Variants in ID2 observed in about 807,000 individuals in gnomAD.
The protein encoded by ID2 is DNA-binding protein inhibitor ID-2.
In ID2, 2 loss-of-function variants were observed where a neutral mutation model predicts 8.3. The ratio of observed to expected loss-of-function variants is 0.24; its 90% CI spans 0.10 to 0.76. The LOEUF (loss-of-function observed/expected upper bound fraction) is 0.76. Ranked by LOEUF, ID2 falls within the 30% of genes least tolerant of loss-of-function variation. The probability of loss-of-function intolerance (pLI) is 0.73; values close to 1 mark genes in which losing one functional copy is unlikely to be tolerated. For synonymous variants in ID2, 112 were observed against 72.3 expected (o/e 1.55, Z -2.79); for missense variants, 155 against 167.0 (o/e 0.93, Z 0.40).
intron 1 of ID2, 27 bp from the exon 2 acceptor site, chr2:8,682,816 C>A: frequency 1.3e-6 from 2 of 1,546,536 alleles, no homozygotes; most frequent in South Asian, 1.1e-5. Context: ...GTCTTAACCT[C>A]GTACTCTTTA....
At chr2:8,683,389 G>T (rs1187166101) in intron 2 of ID2, among the ~76,000 whole-genome samples, 1 of 152,156 alleles carries the variant, frequency 6.6e-6, no homozygotes, top group Admixed American at 6.5e-5. Context: ...TTAACTAAAG[G>T]GCTGTTTTCA....
In ID2 at chr2:8,682,358, C is replaced by T. The variant is rs375848588; in HGVS notation, c.193C>T (p.Leu65=). ...QNKKVSKMEI[L]QHVIDYILDL... Reference sequence around the variant, plus strand: ...CAAGAAGGTGAGCAAGATGGAAATCCTGCAGCACGTCATCGACTACATCTT... The same window carrying T: ...CAAGAAGGTGAGCAAGATGGAAATCTTGCAGCACGTCATCGACTACATCTT... Residue 65 remains leucine (L), a synonymous_variant, in exon 1 of 3, where the codon CTG becomes TTG. Coordinates refer to ENST00000396290, the MANE Select transcript of ID2 (RefSeq NM_002166.5). 44 of 1,613,926 alleles carry T rather than the reference C, an allele frequency of 2.7e-5. No individual in the cohort carries two copies. The highest frequency in any genetic ancestry group is 3.3e-5 in the Admixed American group (2 of 60,012).
At position 8,682,881 on chromosome 2, in the gene ID2, CA is replaced by C. The variant is rs779022042; in HGVS notation, c.390del (p.Ala131HisfsTer6). The C allele has an allele frequency of 1.9e-6, 3 of 1,613,836 alleles. No homozygotes were observed. The highest frequency in any genetic ancestry group is 2.5e-6 in the Non-Finnish European group (3 of 1,179,820). ...CTTCTGAGTTAATGTCAAATGACAG[CA>C]AAGCACTGTGTGGCTGAATAAGCGG... Reference protein sequence around the residue: ...FPSELMSNDSKALCG With the variant: ...FPSELMSNDSXALCG On this transcript the variant is annotated frameshift_variant, in exon 2 of 3. Coordinates refer to ENST00000396290, the MANE Select transcript of ID2 (RefSeq NM_002166.5). LOFTEE classifies it high-confidence loss of function.
rs1373450611 is a variant in ID2 at position 8,684,167 on chromosome 2, C to T, written c.*490C>T. 1.3e-5 allele frequency: 2 copies of T among 152,140 alleles called. No individual in the cohort carries two copies. Among genetic ancestry groups the T allele is most frequent in the African/African-American group, 2.4e-5 (1 of 41,380 alleles). The allele number at this position is 152,140 out of a possible 1,614,324, so 9.4% of individuals were successfully genotyped here. A position where few individuals can be genotyped will look rare whatever the true frequency, so the allele number is the denominator to read the frequency against. On this transcript the variant is annotated 3_prime_UTR_variant, in exon 3 of 3. Transcript: ENST00000396290. Reference sequence around the variant, plus strand: ...ATCTATTTGAGTGAAACCTTGTGAACTCTTTAATTAGAGTTTTCTTGTATA... The same window carrying T: ...ATCTATTTGAGTGAAACCTTGTGAATTCTTTAATTAGAGTTTTCTTGTATA...
chr2:8,683,520 G>T (rs1323530680), intron 2 of ID2, among the ~76,000 whole-genome samples, 165 bp from the exon 3 acceptor site: 1 of 152,170 alleles, frequency 6.6e-6, no homozygotes, highest in African/African-American at 2.4e-5. Flanking sequence ...TTTAATTTGC[G>T]CTGTCGAGGC....
intron 2 of ID2, 34 bp downstream of exon 2, chr2:8,682,940 T>C: frequency 6.5e-7 from 1 of 1,540,954 alleles, no homozygotes; most frequent in South Asian, 1.1e-5. Context: ...GTGGGTAAAC[T>C]GCCCCTCGGT....
intron 1 of ID2, 30 bp from the exon 2 acceptor site, chr2:8,682,813 C>A: frequency 2.1e-6 from 3 of 1,429,048 alleles, no homozygotes; most frequent in South Asian, 1.1e-5. Context: ...ATTGTCTTAA[C>A]CTCGTACTCT....
At chr2:8,683,037 C>T (rs1330317236) in intron 2 of ID2, 131 bp downstream of exon 2, 1 of 751,002 alleles carries the variant, frequency 1.3e-6, no homozygotes, top group East Asian at 2.5e-5. Flanking sequence ...GCGGTGTTAC[C>T]CGTACTACAT....
rs1178509202 is a variant in ID2 at position 8,682,912 on chromosome 2, T to A, written c.*7+6T>A. ...ACTGTGTGGCTGAATAAGCGGTGAG[T>A]GTTTGCTTGTGCCACCCGTGGGTAA... On this transcript the variant is annotated splice_donor_region_variant and intron_variant, in intron 2 of 2. Coordinates refer to ENST00000396290, the MANE Select transcript of ID2 (RefSeq NM_002166.5). 6.2e-7 allele frequency: 1 copy of A among 1,612,118 alleles called. No individual in the cohort carries two copies. Among genetic ancestry groups the A allele is most frequent in the Non-Finnish European group, 8.5e-7 (1 of 1,178,306 alleles).
At chr2:8,683,548 C>T (rs1395586547) in intron 2 of ID2, 137 bp from the exon 3 acceptor site, 1 of 152,290 alleles carries the variant, frequency 6.6e-6, no homozygotes, top group African/African-American at 2.4e-5. Context: ...TGTGTTGCAT[C>T]TGGACGCCAG....
chr2:8,682,474 G>GACC lies in ID2; in HGVS notation c.313_315dup (p.Thr105dup). On this transcript the variant is annotated inframe_insertion, in exon 1 of 3. Transcript: ENST00000396290. ...AGAACCAGGCGTCCAGGACGCCGCT[G>GACC]ACCACCCTCAACACGGATATCAGCA... 1 of 1,613,394 alleles carries GACC rather than the reference G, an allele frequency of 6.2e-7. No homozygotes were observed. The highest frequency in any genetic ancestry group is 8.5e-7 in the Non-Finnish European group (1 of 1,179,994).
intron 2 of ID2, among the ~76,000 whole-genome samples, chr2:8,683,169 C>G (rs943676347): frequency 6.6e-6 from 1 of 152,202 alleles, no homozygotes; most frequent in Non-Finnish European, 1.5e-5. Context: ...TGTGTATTGG[C>G]TTTGTAGCAA....
rs987769768 is a variant in ID2 at position 8,682,212 on chromosome 2, C to G, written c.47C>G (p.Ser16Trp). 1 of 1,613,862 alleles carries G rather than the reference C, an allele frequency of 6.2e-7. No homozygotes were observed. The highest frequency in any genetic ancestry group is 1.7e-5 in the Admixed American group (1 of 60,008). Reference sequence around the variant, plus strand: ...AGGTCCGTTAGGAAAAACAGCCTGTCGGACCACAGCCTGGGCATCTCCCGG... The same window carrying G: ...AGGTCCGTTAGGAAAAACAGCCTGTGGGACCACAGCCTGGGCATCTCCCGG... The part of the protein sequence containing the change: ...PVRSVRKNSL[S>W]DHSLGISRSK... Residue 16 changes from serine (S) to tryptophan (W), a missense_variant, in exon 1 of 3, where the codon TCG becomes TGG. Ser to Trp is a radical substitution (Grantham distance 177). Coordinates refer to ENST00000396290, the MANE Select transcript of ID2 (RefSeq NM_002166.5).
rs1485006455 is a variant in ID2, at chr2:8,683,722, C to A, written c.*45C>A. 6.6e-6 allele frequency: 1 copy of A among 152,442 alleles called. No homozygotes were observed. The highest frequency in any genetic ancestry group is 2.4e-5 in the African/African-American group (1 of 41,390). The allele number at this position is 152,442 out of a possible 1,614,324, so 9.4% of individuals were successfully genotyped here. On this transcript the variant is annotated 3_prime_UTR_variant, in exon 3 of 3. Coordinates refer to ENST00000396290, the MANE Select transcript of ID2 (RefSeq NM_002166.5). ...TCTTTTATTCTTTGCACAACAACAACAACAACAAATTCACGGAATCTTTTA... is the reference window on the plus strand; with the variant it reads ...TCTTTTATTCTTTGCACAACAACAAAAACAACAAATTCACGGAATCTTTTA...
At position 8,682,062 on chromosome 2, in the gene ID2, A is replaced by G. The variant is rs947515715; in HGVS notation, c.-104A>G. On this transcript the variant is annotated 5_prime_UTR_variant, in exon 1 of 3. Transcript: ENST00000396290. ...CCCGCCGGGCTCGGGCTTCATTCTG[A>G]GCCGAGCCCGGTGCCAAGCGCAGCT... 1.1e-6 allele frequency: 1 copy of G among 878,448 alleles called. No homozygotes were observed. Among genetic ancestry groups the G allele is most frequent in the Non-Finnish European group, 1.8e-6 (1 of 567,182 alleles). 54.4% of individuals were successfully genotyped at this position (878,448 alleles called of 1,614,324 possible).
rs763950440 is a variant in ID2 at position 8,682,152 on chromosome 2, C to G, written c.-14C>G. On this transcript the variant is annotated 5_prime_UTR_variant, in exon 1 of 3. Transcript: ENST00000396290. ...GCCAGCTCCCTCCCGGTCTCGCCTTCCCTCGCGGTCAGCATGAAAGCCTTC... is the reference window on the plus strand; with the variant it reads ...GCCAGCTCCCTCCCGGTCTCGCCTTGCCTCGCGGTCAGCATGAAAGCCTTC... 1 of 1,605,080 alleles carries G rather than the reference C, an allele frequency of 6.2e-7. No homozygotes were observed. The highest frequency in any genetic ancestry group is 1.7e-5 in the Admixed American group (1 of 59,826).
intron 2 of ID2, 28 bp downstream of exon 2, chr2:8,682,934 G>C (rs935346820): frequency 1.9e-6 from 3 of 1,578,580 alleles, no homozygotes; most frequent in East Asian, 2.2e-5. Context: ...CCACCCGTGG[G>C]TAAACTGCCC....
chr2:8,684,368 T>C lies in ID2; in HGVS notation c.*691T>C, dbSNP rs1376194629. 1 of 152,538 alleles carries C rather than the reference T, an allele frequency of 6.6e-6. No individual in the cohort carries two copies. The highest frequency in any genetic ancestry group is 2.4e-5 in the African/African-American group (1 of 41,432). 9.4% of individuals were successfully genotyped at this position (152,538 alleles called of 1,614,324 possible). On this transcript the variant is annotated 3_prime_UTR_variant, in exon 3 of 3. Transcript: ENST00000396290. ...AGGACCAGTGCTTTGATTTTTATTA[T>C]GCTATGTTATAACTGAACCCAAATA...
chr2:8,682,724 A>G lies in ID2; in HGVS notation c.349-119A>G, dbSNP rs1456446088. ...CTGTCTTTAAATCTGAATTGTTACC[A>G]TAAACGTGTTTAATGGAACTTGCTG... On this transcript the variant is annotated intron_variant, in intron 1 of 2. Transcript: ENST00000396290. 18 of 844,320 alleles carry G rather than the reference A, an allele frequency of 2.1e-5. No individual in the cohort carries two copies. The Admixed American group carries it at 3.3e-4, about 15-fold the overall frequency. The allele number at this position is 844,320 out of a possible 1,614,324, so 52.3% of individuals were successfully genotyped here.
Sources: allele counts gnomAD v4.1 joint callset (sites outside exome capture counted in the v4.1 genomes callset), GRCh38; gene constraint gnomAD v4.1.1; transcripts MANE v1.5; gene names NCBI Gene and HGNC (gene_info 2026-07-23, HGNC 2026-07-21).